The following PTPRT variants were observed in gnomAD, a reference collection of about 807,000 sequenced individuals.
The protein encoded by PTPRT is protein tyrosine phosphatase receptor type T.
A neutral mutation model predicts 176.8 loss-of-function variants in PTPRT; 56 were observed. That is an observed-to-expected ratio of 0.32 (90% CI 0.26 to 0.40). PTPRT has a LOEUF of 0.40. Among genes scored for constraint, PTPRT ranks in the 10% least tolerant of loss-of-function variants. PTPRT has a pLI of 1.00. For missense variants in PTPRT, 1,540 were observed against 1,908.2 expected, an observed-to-expected ratio of 0.81 and a Z score of 3.60; for synonymous variants, 783 against 739.0, an observed-to-expected ratio of 1.06 and a Z score of -0.96.
intron 7 of PTPRT, among the ~76,000 whole-genome samples, chr20:42,601,137 G>A (rs531313834): frequency 2.0e-5 from 3 of 152,220 alleles, no homozygotes; most frequent in East Asian, 1.9e-4. Flanking sequence ...GGTAGCTCCC[G>A]CCTGATAGAA....
intron 9 of PTPRT, among the ~76,000 whole-genome samples, chr20:42,426,286 G>GT (rs776190814): frequency 8.5e-5 from 13 of 152,058 alleles, no homozygotes; most frequent in Non-Finnish European, 1.6e-4. Flanking sequence ...GAGAAGAAGA[G>GT]TAACAGAATG....
At chr20:42,375,736 TTTTC>T (rs1600915860) in intron 9 of PTPRT, among the ~76,000 whole-genome samples, 1 of 151,652 alleles carries the variant, frequency 6.6e-6, no homozygotes. Flanking sequence ...GATAGGCAGA[TTTTC>T]TTTATTTAAA....
chr20:42,652,177 A>T (rs2075045042), intron 7 of PTPRT, among the ~76,000 whole-genome samples: 1 of 152,190 alleles, frequency 6.6e-6, no homozygotes, highest in South Asian at 2.1e-4. Context: ...TTTCTATTCT[A>T]TTCAAATGAC....
At chr20:42,516,799 TTTC>T (rs1483558692) in intron 7 of PTPRT, among the ~76,000 whole-genome samples, 4 of 152,310 alleles carry the variant, frequency 2.6e-5, no homozygotes, top group Admixed American at 6.5e-5. Flanking sequence ...CATTTTAATA[TTTC>T]TTATTATAGA....
chr20:42,240,663 C>T (rs914974002), intron 14 of PTPRT, among the ~76,000 whole-genome samples: 10 of 152,136 alleles, frequency 6.6e-5, no homozygotes, highest in Non-Finnish European at 1.5e-4. Context: ...TCCATCCATC[C>T]ATCCATGAAC....
intron 6 of PTPRT, 63 bp downstream of exon 6, chr20:42,756,399 G>T: frequency 7.1e-7 from 1 of 1,406,680 alleles, no homozygotes; most frequent in Non-Finnish European, 9.4e-7. Flanking sequence ...TGAGAAAAGG[G>T]GCTTTAAGGC....
intron 7 of PTPRT, among the ~76,000 whole-genome samples, chr20:42,663,292 G>T (rs1233629066): frequency 6.6e-6 from 1 of 152,096 alleles, no homozygotes; most frequent in East Asian, 1.9e-4. Context: ...GGCAATTTGG[G>T]AGGGAGGAAA....
chr20:42,149,157 A>G (rs1989012437), intron 17 of PTPRT, among the ~76,000 whole-genome samples: 2 of 152,158 alleles, frequency 1.3e-5, no homozygotes, highest in Admixed American at 6.5e-5. Flanking sequence ...TAAAAACTAA[A>G]TGATAAGCAG....
At chr20:42,332,693 T>C (rs1311449546) in intron 11 of PTPRT, among the ~76,000 whole-genome samples, 2 of 152,120 alleles carry the variant, frequency 1.3e-5, no homozygotes, top group Non-Finnish European at 2.9e-5. Flanking sequence ...TAAAGAAAAC[T>C]GACAGTATTT....
chr20:42,224,505 T>C (rs2055960009), intron 15 of PTPRT, among the ~76,000 whole-genome samples: 1 of 152,222 alleles, frequency 6.6e-6, no homozygotes, highest in Non-Finnish European at 1.5e-5. Context: ...CTGATGATTG[T>C]ATGGGACCAA....
the PTPRT span, among the ~76,000 whole-genome samples, chr20:42,054,972 T>C: frequency 6.6e-6 from 1 of 152,222 alleles, no homozygotes; most frequent in Non-Finnish European, 1.5e-5. Flanking sequence ...GGAATCGTTT[T>C]AAAGAAGTTC....
At chr20:42,922,961 C>T (rs1979253406) in intron 1 of PTPRT, among the ~76,000 whole-genome samples, 1 of 152,072 alleles carries the variant, frequency 6.6e-6, no homozygotes, top group Admixed American at 6.5e-5. Flanking sequence ...GCTAAGATGG[C>T]ATCCCACCCC....
At chr20:42,931,123 G>C (rs1394794781) in intron 1 of PTPRT, among the ~76,000 whole-genome samples, 1 of 152,192 alleles carries the variant, frequency 6.6e-6, no homozygotes, top group Non-Finnish European at 1.5e-5. Context: ...ACTTGGACAA[G>C]AGCAGGGCTA....
chr20:42,554,776 A>G (rs1374971182), intron 7 of PTPRT, among the ~76,000 whole-genome samples: 1 of 152,160 alleles, frequency 6.6e-6, no homozygotes, highest in East Asian at 1.9e-4. Context: ...TTTGTGCTCA[A>G]GTGTCAATGA....
intron 14 of PTPRT, among the ~76,000 whole-genome samples, chr20:42,241,007 C>T (rs1330366310): frequency 1.3e-5 from 2 of 152,150 alleles, no homozygotes; most frequent in African/African-American, 4.8e-5. Context: ...CCTTATGAGG[C>T]ATTATTATCC....
intron 7 of PTPRT, among the ~76,000 whole-genome samples, chr20:42,668,244 C>A (rs922522035): frequency 1.3e-5 from 2 of 152,184 alleles, no homozygotes; most frequent in African/African-American, 4.8e-5. Context: ...CCCTAAGGAG[C>A]ATGGAGTGGC....
At chr20:42,385,051 T>C (rs772831499) in intron 9 of PTPRT, among the ~76,000 whole-genome samples, 10 of 152,256 alleles carry the variant, frequency 6.6e-5, no homozygotes, top group Non-Finnish European at 1.2e-4. Flanking sequence ...TTCATTATGC[T>C]GCTTGTTGCC....
intron 1 of PTPRT, among the ~76,000 whole-genome samples, chr20:43,065,406 T>G (rs1237503611): frequency 6.6e-6 from 1 of 152,150 alleles, no homozygotes; most frequent in African/African-American, 2.4e-5. Flanking sequence ...TGGCCAGAAC[T>G]CAAAATAGGC....
intron 7 of PTPRT, among the ~76,000 whole-genome samples, chr20:42,505,567 G>A (rs1026315289): frequency 1.3e-5 from 2 of 152,114 alleles, no homozygotes; most frequent in African/African-American, 4.8e-5. Flanking sequence ...CTCCCAAAGT[G>A]CTGGGATTAC....
Sources: allele counts gnomAD v4.1 joint callset (sites outside exome capture counted in the v4.1 genomes callset), GRCh38; gene constraint gnomAD v4.1.1; transcripts MANE v1.5; gene names NCBI Gene and HGNC (gene_info 2026-07-23, HGNC 2026-07-21).